Variants in OXSR1 observed in about 807,000 individuals in gnomAD.
The protein encoded by OXSR1 is oxidative stress responsive kinase 1, also known as serine/threonine-protein kinase OSR1.
A neutral mutation model predicts 79.8 loss-of-function variants in OXSR1; 24 were observed. That is an observed-to-expected ratio of 0.30 (90% CI 0.22 to 0.42). OXSR1 has a LOEUF of 0.42. OXSR1 is among the 10% of genes least tolerant of loss of function. The pLI is 1.00. For synonymous variants in OXSR1, 226 were observed against 209.2 expected, an observed-to-expected ratio of 1.08 and a Z score of -0.69; for missense variants, 430 against 618.4, an observed-to-expected ratio of 0.70 and a Z score of 3.23.
intron 11 of OXSR1, among the ~76,000 whole-genome samples, chr3:38,237,847 C>G (rs566672955): frequency 1.3e-5 from 2 of 152,242 alleles, no homozygotes; most frequent in East Asian, 1.9e-4. Flanking sequence ...AAATGTGAGA[C>G]TATGGCATCC....
Position 38,236,966 on chromosome 3 carries a change from AT to A in OXSR1, c.1074+9del. On this transcript the variant is annotated splice_donor_region_variant and intron_variant, in intron 11 of 17. Coordinates refer to ENST00000311806, the MANE Select transcript of OXSR1 (RefSeq NM_005109.3). ...GCAGCAATTTCACAACTCAGGGTAA[AT>A]TTTATTAAACTGTGTACTTTAGCTA... 1 of 1,609,890 alleles carries A rather than the reference AT, an allele frequency of 6.2e-7. No homozygotes were observed.
chr3:38,217,055 G>A (rs1702494866), intron 5 of OXSR1, among the ~76,000 whole-genome samples: 1 of 152,100 alleles, frequency 6.6e-6, no homozygotes, highest in Non-Finnish European at 1.5e-5. Flanking sequence ...GGGCTCAAGT[G>A]TAAAGCGTAT....
intron 4 of OXSR1, among the ~76,000 whole-genome samples, chr3:38,210,276 C>T (rs982190698): frequency 6.6e-6 from 1 of 152,098 alleles, no homozygotes; most frequent in African/African-American, 2.4e-5. Flanking sequence ...TCAGTTCCCC[C>T]CCAAGGTGAG....
At position 38,241,750 on chromosome 3, in the gene OXSR1, A is replaced by G. The variant is rs539646385; in HGVS notation, c.1075-993A>G. ...TTTCTGTAAGTTTGAAATTATTTACAAAAGTTTTTTTTTCTTGTAGTCTGG... is the reference window on the plus strand; with the variant it reads ...TTTCTGTAAGTTTGAAATTATTTACGAAAGTTTTTTTTTCTTGTAGTCTGG... On this transcript the variant is annotated intron_variant, in intron 11 of 17. Coordinates refer to ENST00000311806, the MANE Select transcript of OXSR1 (RefSeq NM_005109.3). Among the ~76,000 whole-genome samples the G allele has an allele frequency of 2.8e-4, 42 of 151,990 alleles. No individual in the cohort carries two copies. In the South Asian group the frequency reaches 8.3e-3, roughly 30 times the overall value.
chr3:38,223,248 G>A (rs542138828), intron 6 of OXSR1, among the ~76,000 whole-genome samples: 107 of 152,030 alleles, frequency 7.0e-4, no homozygotes, highest in Non-Finnish European at 1.4e-3. Flanking sequence ...CTAGCCTCCC[G>A]AGCAGCTGGA....
At chr3:38,171,349 C>T (rs1008684547) in intron 1 of OXSR1, among the ~76,000 whole-genome samples, 5 of 152,134 alleles carry the variant, frequency 3.3e-5, no homozygotes, top group African/African-American at 1.2e-4. Flanking sequence ...TCAGATTACA[C>T]TCAACTTTTT....
intron 4 of OXSR1, among the ~76,000 whole-genome samples, chr3:38,203,170 C>A (rs1019504298): frequency 1.3e-5 from 2 of 152,162 alleles, no homozygotes; most frequent in Non-Finnish European, 2.9e-5. Flanking sequence ...CTTATAAGTG[C>A]GTAGAAGAAA....
chr3:38,231,398 T>C (rs1251140143), intron 10 of OXSR1, among the ~76,000 whole-genome samples: 1 of 151,954 alleles, frequency 6.6e-6, no homozygotes, highest in Non-Finnish European at 1.5e-5. Context: ...ATGACTCTAG[T>C]GGATGAGACC....
chr3:38,248,543 C>A (rs1022452816), intron 14 of OXSR1, among the ~76,000 whole-genome samples: 1 of 152,104 alleles, frequency 6.6e-6, no homozygotes, highest in Non-Finnish European at 1.5e-5. Flanking sequence ...CACTGAATTA[C>A]CATTAACTCA....
intron 3 of OXSR1, among the ~76,000 whole-genome samples, chr3:38,192,247 C>G (rs984878223): frequency 1.3e-5 from 2 of 152,124 alleles, no homozygotes; most frequent in African/African-American, 2.4e-5. Context: ...ACTCTTGTGT[C>G]CTCTTGACGT....
At chr3:38,188,655 G>C (rs1701927656) in intron 2 of OXSR1, among the ~76,000 whole-genome samples, 1 of 152,174 alleles carries the variant, frequency 6.6e-6, no homozygotes, top group African/African-American at 2.4e-5. Context: ...TTCCGTTGCT[G>C]TTAGGATGAA....
At chr3:38,244,578 C>T (rs954353818) in intron 12 of OXSR1, among the ~76,000 whole-genome samples, 5 of 150,322 alleles carry the variant, frequency 3.3e-5, no homozygotes, top group Admixed American at 1.3e-4. Flanking sequence ...TTCTCAGGTT[C>T]GTCAGTGTTG....
At chr3:38,193,828 C>G (rs1412255163) in intron 3 of OXSR1, among the ~76,000 whole-genome samples, 1 of 152,102 alleles carries the variant, frequency 6.6e-6, no homozygotes, top group East Asian at 1.9e-4. Flanking sequence ...TCCAGTTAGT[C>G]ATAACTCTTT....
intron 1 of OXSR1, among the ~76,000 whole-genome samples, chr3:38,169,375 G>T (rs896742306): frequency 6.6e-6 from 1 of 151,694 alleles, no homozygotes; most frequent in Non-Finnish European, 1.5e-5. Flanking sequence ...GTGCCATCTC[G>T]GCTCACTGCA....
At chr3:38,223,761 T>C in intron 6 of OXSR1, 51 bp from the exon 7 acceptor site, 1 of 1,392,300 alleles carries the variant, frequency 7.2e-7, no homozygotes. Context: ...AAGCTAACTT[T>C]TAAAAGTCCT....
At chr3:38,193,326 A>G (rs1245255148) in intron 3 of OXSR1, 1 of 1,289,682 alleles carries the variant, frequency 7.8e-7, no homozygotes, top group South Asian at 1.2e-5. Flanking sequence ...GGCCCTGTTC[A>G]TATGATGGTT....
At chr3:38,215,739 G>C (rs959250658) in intron 4 of OXSR1, among the ~76,000 whole-genome samples, 2 of 152,064 alleles carry the variant, frequency 1.3e-5, no homozygotes, top group Non-Finnish European at 2.9e-5. Context: ...CCTGTTTTCA[G>C]TTGCATACTG....
At chr3:38,164,596 C>T, upstream of OXSR1, among the ~76,000 whole-genome samples, 1 of 152,304 alleles carries the variant, frequency 6.6e-6, no homozygotes, top group Non-Finnish European at 1.5e-5. Context: ...ATTTCTCTAA[C>T]GGCCGTACGT....
chr3:38,207,830 C>A (rs550344729), intron 4 of OXSR1, among the ~76,000 whole-genome samples: 2 of 151,928 alleles, frequency 1.3e-5, no homozygotes, highest in East Asian at 3.9e-4. Context: ...TGGTCATGTC[C>A]CCAGTAAAAA....
Sources: gnomAD v4.1 joint callset for allele counts (sites outside exome capture counted in the v4.1 genomes callset) on GRCh38, gnomAD v4.1.1 for gene constraint, MANE v1.5 for transcripts, NCBI Gene and HGNC (gene_info 2026-07-23, HGNC 2026-07-21) for gene names.